CTNNA2: variants seen among roughly 807,000 people sequenced by gnomAD.
CTNNA2 encodes catenin alpha 2, also known as catenin alpha-2.
In CTNNA2, 42 loss-of-function variants were observed where a neutral mutation model predicts 101.0. The ratio of observed to expected loss-of-function variants is 0.42; its 90% CI spans 0.32 to 0.54. The LOEUF is 0.54. Among genes scored for constraint, CTNNA2 ranks in the 20% least tolerant of loss-of-function variants. The pLI is 0.14. For synonymous variants in CTNNA2, 450 were observed against 456.4 expected, an observed-to-expected ratio of 0.99 and a Z score of 0.18; for missense variants, 871 against 1,223.1, an observed-to-expected ratio of 0.71 and a Z score of 4.29.
At chr2:80,506,379 TA>T (rs1250133725) in intron 9 of CTNNA2, among the ~76,000 whole-genome samples, 1 of 151,888 alleles carries the variant, frequency 6.6e-6, no homozygotes, top group African/African-American at 2.4e-5. Context: ...AGGCAAAAAA[TA>T]ATGTTAGTGG....
intron 3 of CTNNA2, among the ~76,000 whole-genome samples, chr2:79,766,467 T>C (rs188745957): frequency 1.3e-5 from 2 of 152,350 alleles, no homozygotes; most frequent in Admixed American, 1.3e-4. Context: ...TTCTTTATCC[T>C]TGGTCTTTGA....
chr2:80,462,631 CTTT>C (rs753815778), intron 9 of CTNNA2, among the ~76,000 whole-genome samples: 185 of 94,762 alleles, frequency 2.0e-3, no homozygotes, highest in Middle Eastern at 8.8e-3. Context: ...TTCTTTCTTT[CTTT>C]TTTTTTTTTT....
intron 2 of CTNNA2, among the ~76,000 whole-genome samples, chr2:79,696,260 C>A (rs2104729700): frequency 6.6e-6 from 1 of 152,172 alleles, no homozygotes; most frequent in South Asian, 2.1e-4. Flanking sequence ...CATAAGCATT[C>A]TGTTAAAACC....
intron 3 of CTNNA2, among the ~76,000 whole-genome samples, chr2:79,838,439 G>A (rs975256539): frequency 1.3e-5 from 2 of 152,142 alleles, no homozygotes; most frequent in African/African-American, 4.8e-5. Flanking sequence ...GGGTTTCCAT[G>A]CTAGAATGGA....
chr2:80,232,127 A>C (rs1013265431), intron 7 of CTNNA2, among the ~76,000 whole-genome samples: 1 of 152,102 alleles, frequency 6.6e-6, no homozygotes, highest in Non-Finnish European at 1.5e-5. Context: ...AAGTTGTCCT[A>C]CCTTTCTGGA....
At chr2:79,323,881 C>G (rs543979514) in intron 3 of CTNNA2, among the ~76,000 whole-genome samples, 11 of 152,062 alleles carry the variant, frequency 7.2e-5, no homozygotes, top group African/African-American at 2.7e-4. Context: ...GGTCAGGATG[C>G]CTGGAACAAT....
chr2:80,476,670 C>T (rs766265592), intron 9 of CTNNA2, among the ~76,000 whole-genome samples: 2 of 152,198 alleles, frequency 1.3e-5, no homozygotes, highest in South Asian at 2.1e-4. Flanking sequence ...AGCTCACAGA[C>T]GGGTTTACTG....
intron 7 of CTNNA2, among the ~76,000 whole-genome samples, chr2:80,042,319 C>A (rs1033281071): frequency 6.6e-6 from 1 of 151,986 alleles, no homozygotes; most frequent in Non-Finnish European, 1.5e-5. Context: ...TGTTTTTTAA[C>A]CATTCTTAAT....
chr2:79,711,815 C>T (rs550111872), intron 2 of CTNNA2, among the ~76,000 whole-genome samples: 33 of 152,146 alleles, frequency 2.2e-4, no homozygotes, highest in South Asian at 1.0e-3. Context: ...AATATGTAAA[C>T]GAATAGGTGT....
intron 17 of CTNNA2, among the ~76,000 whole-genome samples, chr2:80,615,602 A>G (rs896296904): frequency 1.6e-4 from 25 of 151,612 alleles, no homozygotes; most frequent in African/African-American, 5.3e-4. Context: ...AGAATAGCAG[A>G]GTATCTGTTG....
intron 9 of CTNNA2, among the ~76,000 whole-genome samples, chr2:80,469,300 C>T (rs1322391867): frequency 9.2e-5 from 14 of 152,146 alleles, no homozygotes; most frequent in Admixed American, 9.2e-4. Context: ...CCAGAACCTC[C>T]AAGTAATTGA....
chr2:79,415,287 C>T (rs1048729366), intron 4 of CTNNA2, among the ~76,000 whole-genome samples: 4 of 152,164 alleles, frequency 2.6e-5, no homozygotes, highest in Non-Finnish European at 4.4e-5. Flanking sequence ...CATGCCTGCT[C>T]CCCTTTGGCC....
chr2:80,063,098 A>AT (rs1269415011), intron 7 of CTNNA2, among the ~76,000 whole-genome samples: 5 of 151,976 alleles, frequency 3.3e-5, no homozygotes, highest in South Asian at 4.1e-4. Context: ...TTGCCTTTGT[A>AT]TTTTTTTCTT....
intron 7 of CTNNA2, among the ~76,000 whole-genome samples, chr2:80,159,584 T>A (rs1704187153): frequency 6.6e-6 from 1 of 152,168 alleles, no homozygotes; most frequent in Non-Finnish European, 1.5e-5. Flanking sequence ...ATTTCTAATT[T>A]CTCCTGCCTC....
chr2:79,769,755 G>A (rs984254802), intron 3 of CTNNA2, among the ~76,000 whole-genome samples: 1 of 152,198 alleles, frequency 6.6e-6, no homozygotes, highest in East Asian at 1.9e-4. Context: ...TTCTGATTAG[G>A]AGTTCTCCAA....
intron 7 of CTNNA2, among the ~76,000 whole-genome samples, chr2:80,051,227 G>A (rs1324430783): frequency 6.6e-5 from 10 of 152,282 alleles, no homozygotes; most frequent in East Asian, 1.9e-4. Context: ...TCATGAGAAC[G>A]TCTCTATTTT....
rs1695642909 is a variant in CTNNA2 at position 80,582,693 on chromosome 2, A to G, written c.2007+874A>G. Among the ~76,000 whole-genome samples, 5 of 152,276 alleles carry G rather than the reference A, an allele frequency of 3.3e-5. No individual in the cohort carries two copies. The South Asian group carries it at 1.0e-3, about 32-fold the overall frequency. On this transcript the variant is annotated intron_variant, in intron 14 of 18. Transcript: ENST00000402739. ...GTTTCCAAAGAGTAAAAACAATCAG[A>G]TTATAGTATAACTGAGAATTAGATA...
intron 2 of CTNNA2, among the ~76,000 whole-genome samples, chr2:79,676,042 C>G (rs1271929295): frequency 6.6e-6 from 1 of 152,132 alleles, no homozygotes; most frequent in Middle Eastern, 3.2e-3. Flanking sequence ...CTGAGAGATG[C>G]CTGTTGACCC....
intron 3 of CTNNA2, among the ~76,000 whole-genome samples, chr2:79,823,470 A>G (rs534129378): frequency 1.7e-4 from 26 of 152,202 alleles, no homozygotes; most frequent in African/African-American, 6.3e-4. Context: ...GTGAGCTGAG[A>G]TCGCATCACT....
Sources: allele counts gnomAD v4.1 joint callset (sites outside exome capture counted in the v4.1 genomes callset), GRCh38; gene constraint gnomAD v4.1.1; transcripts MANE v1.5; gene names NCBI Gene and HGNC (gene_info 2026-07-23, HGNC 2026-07-21).